NRXN1: variants seen among roughly 807,000 people sequenced by gnomAD.
NRXN1 encodes the protein neurexin-1.
NRXN1 carries 39 observed loss-of-function variants against 150.9 expected under a neutral mutation model. That is an observed-to-expected ratio of 0.26 (90% CI 0.20 to 0.34). NRXN1 has a LOEUF of 0.34. Ranked by LOEUF, NRXN1 falls within the 10% of genes least tolerant of loss-of-function variation. NRXN1 has a pLI of 1.00. For missense variants in NRXN1, 1,815 were observed against 1,949.9 expected (o/e 0.93, Z 1.30); for synonymous variants, 924 against 757.0 (o/e 1.22, Z -3.62).
At chr2:50,660,828 T>C (rs2104638758) in intron 5 of NRXN1, among the ~76,000 whole-genome samples, 1 of 152,100 alleles carries the variant, frequency 6.6e-6, no homozygotes, top group East Asian at 1.9e-4. Context: ...CAAATATATA[T>C]ATGGTGTTTC....
At chr2:50,931,034 G>A (rs1276875533) in intron 2 of NRXN1, among the ~76,000 whole-genome samples, 1 of 152,056 alleles carries the variant, frequency 6.6e-6, no homozygotes, top group Non-Finnish European at 1.5e-5. Context: ...GTGGTTATGT[G>A]GTTTTGACTT....
At chr2:50,560,330 G>A (rs1177370673) in intron 8 of NRXN1, among the ~76,000 whole-genome samples, 3 of 152,178 alleles carry the variant, frequency 2.0e-5, no homozygotes, top group Non-Finnish European at 4.4e-5. Flanking sequence ...ATCCAGTACA[G>A]TACCTACAAC....
intron 21 of NRXN1, chr2:49,972,778 G>C (rs999034746): frequency 6.6e-6 from 1 of 152,128 alleles, no homozygotes; most frequent in African/African-American, 2.4e-5. Context: ...ATGACATTCT[G>C]TCTCCTAATT....
intron 5 of NRXN1, among the ~76,000 whole-genome samples, chr2:50,687,428 G>C (rs1691400909): frequency 6.6e-6 from 1 of 152,016 alleles, no homozygotes; most frequent in Non-Finnish European, 1.5e-5. Flanking sequence ...GTACCATGTG[G>C]TTATATATTT....
At chr2:49,941,583 CAAGGT>C (rs988527990) in intron 22 of NRXN1, among the ~76,000 whole-genome samples, 4 of 151,990 alleles carry the variant, frequency 2.6e-5, no homozygotes, top group Middle Eastern at 3.2e-3. Flanking sequence ...ACTAGGTACT[CAAGGT>C]AAGGATTCTG....
intron 17 of NRXN1, among the ~76,000 whole-genome samples, chr2:50,458,780 C>T (rs993027976): frequency 6.6e-6 from 1 of 152,008 alleles, no homozygotes; most frequent in African/African-American, 2.4e-5. Context: ...TGGTGTTTCA[C>T]CATATTGGCC....
intron 5 of NRXN1, among the ~76,000 whole-genome samples, chr2:50,747,546 T>C (rs1168481547): frequency 6.6e-6 from 1 of 151,992 alleles, no homozygotes; most frequent in African/African-American, 2.4e-5. Context: ...CCCAAGCCAA[T>C]CCAGAGGGTG....
chr2:50,238,243 GA>G (rs2065658939), intron 17 of NRXN1, among the ~76,000 whole-genome samples: 2 of 151,926 alleles, frequency 1.3e-5, no homozygotes, highest in East Asian at 1.9e-4. Flanking sequence ...AAAAAAGAAA[GA>G]AAAAAGATTG....
intron 5 of NRXN1, among the ~76,000 whole-genome samples, chr2:50,730,946 T>G (rs1698027456): frequency 6.6e-6 from 1 of 152,204 alleles, no homozygotes; most frequent in South Asian, 2.1e-4. Flanking sequence ...GTGCTGGGAT[T>G]ACAGGCGTGA....
At chr2:50,761,284 T>C (rs914134702) in intron 5 of NRXN1, among the ~76,000 whole-genome samples, 1 of 152,060 alleles carries the variant, frequency 6.6e-6, no homozygotes, top group African/African-American at 2.4e-5. Context: ...TCATCTTGAA[T>C]TATACCTCCC....
In NRXN1 at chr2:50,520,315, C is replaced by T. The variant is rs144242339; in HGVS notation, c.2374+8310G>A. 1.6e-3 allele frequency among the ~76,000 whole-genome samples: 236 copies of T among 151,752 alleles called. 1 individual carries two copies. Among genetic ancestry groups the T allele is most frequent in the African/African-American group, 5.4e-3 (223 of 41,440 alleles). On this transcript the variant is annotated intron_variant, in intron 12 of 22. Transcript: ENST00000401669. The stretch of plus-strand genomic sequence containing the variant: ...AGCCTGTAAATTAATTTAAAATGTA[C>T]ATGATGTATTACAAATATATGATCT...
intron 2 of NRXN1, among the ~76,000 whole-genome samples, chr2:50,967,553 T>A (rs2104753857): frequency 6.6e-6 from 1 of 152,154 alleles, no homozygotes; most frequent in South Asian, 2.1e-4. Flanking sequence ...AGAATATCAT[T>A]AATCATTAAG....
intron 5 of NRXN1, among the ~76,000 whole-genome samples, chr2:50,723,425 C>T (rs1330012098): frequency 6.6e-6 from 1 of 152,152 alleles, no homozygotes; most frequent in Non-Finnish European, 1.5e-5. Flanking sequence ...TGACTAGCTA[C>T]ATTACCCATG....
intron 8 of NRXN1, among the ~76,000 whole-genome samples, chr2:50,594,353 C>T (rs1028701038): frequency 2.6e-5 from 4 of 152,142 alleles, no homozygotes; most frequent in Admixed American, 6.5e-5. Context: ...TTTATGTAAA[C>T]TGAAACCTAA....
At chr2:50,538,888 T>C (rs182595081) in intron 9 of NRXN1, among the ~76,000 whole-genome samples, 6 of 150,650 alleles carry the variant, frequency 4.0e-5, no homozygotes, top group Admixed American at 2.6e-4. Flanking sequence ...AGCCAACAAA[T>C]AGTGTTTGAG....
At chr2:50,072,100 A>G (rs571536613) in intron 19 of NRXN1, among the ~76,000 whole-genome samples, 1 of 152,334 alleles carries the variant, frequency 6.6e-6, no homozygotes, top group South Asian at 2.1e-4. Flanking sequence ...AACTTTTCCA[A>G]AAGGAACTAC....
intron 4 of NRXN1, 70 bp downstream of exon 4, chr2:50,922,588 T>G (rs1686206091): frequency 3.5e-6 from 5 of 1,446,438 alleles, no homozygotes; most frequent in East Asian, 2.3e-5. Context: ...TCCTTTGCAG[T>G]GATGGTTTGA....
chr2:50,706,784 T>C (rs1694505929), intron 5 of NRXN1, among the ~76,000 whole-genome samples: 1 of 151,828 alleles, frequency 6.6e-6, no homozygotes, highest in Non-Finnish European at 1.5e-5. Flanking sequence ...GCAACCAATA[T>C]AAGTCATATG....
At chr2:50,352,524 C>T (rs1404229564) in intron 17 of NRXN1, among the ~76,000 whole-genome samples, 2 of 151,802 alleles carry the variant, frequency 1.3e-5, no homozygotes, top group African/African-American at 4.8e-5. Flanking sequence ...AGAAGAGTGT[C>T]GGTCTTGCAT....
Sources: allele counts gnomAD v4.1 joint callset (sites outside exome capture counted in the v4.1 genomes callset), GRCh38; gene constraint gnomAD v4.1.1; transcripts MANE v1.5; gene names NCBI Gene and HGNC (gene_info 2026-07-23, HGNC 2026-07-21).